The following COL16A1 variants were observed in gnomAD, a reference collection of about 807,000 sequenced individuals.
COL16A1 encodes the protein collagen type XVI alpha 1 chain, also known as collagen alpha-1(XVI) chain.
A neutral mutation model predicts 266.3 loss-of-function variants in COL16A1; 189 were observed. The observed-to-expected ratio is 0.71, with a 90% confidence interval of 0.63 to 0.80. The LOEUF (loss-of-function observed/expected upper bound fraction) is 0.80. Ranked by LOEUF, COL16A1 falls within the 30% of genes least tolerant of loss-of-function variation. The pLI, the probability that COL16A1 is intolerant of heterozygous loss-of-function variation, is 0.00. For missense variants in COL16A1, 1,928 were observed against 2,122.4 expected, an observed-to-expected ratio of 0.91 and a Z score of 1.80; for synonymous variants, 740 against 782.3, an observed-to-expected ratio of 0.95 and a Z score of 0.90.
intron 63 of COL16A1, 114 bp downstream of exon 63, chr1:31,658,800 A>G: frequency 7.7e-7 from 1 of 1,291,156 alleles, no homozygotes; most frequent in Non-Finnish European, 1.1e-6. Flanking sequence ...GACACCAGGG[A>G]AGGAGGGGAT....
Position 31,697,349 on chromosome 1 carries a change from T to G in COL16A1, c.658-49A>C. The G allele has an allele frequency of 6.5e-7, 1 of 1,532,292 alleles. No homozygotes were observed. The highest frequency in any genetic ancestry group is 1.2e-5 in the South Asian group (1 of 83,388). 94.9% of individuals were successfully genotyped at this position (1,532,292 alleles called of 1,614,324 possible). A position where few individuals can be genotyped will look rare whatever the true frequency, so the allele number is the denominator to read the frequency against. ...TTCACTTCATTTTATCAAATAGCTCTGTGTCCTGGCCCCCCAGGAGGCACA... is the reference window on the plus strand; with the variant it reads ...TTCACTTCATTTTATCAAATAGCTCGGTGTCCTGGCCCCCCAGGAGGCACA... On this transcript the variant is annotated intron_variant, in intron 6 of 70. Coordinates refer to ENST00000373672, the MANE Select transcript of COL16A1 (RefSeq NM_001856.4). The surrounding 1 kb of genome is among the most constrained non-coding windows in gnomAD (Gnocchi z 4.2).
chr1:31,652,577 C>A lies in COL16A1; in HGVS notation c.*74G>T. The A allele has an allele frequency of 1.5e-6, 2 of 1,361,390 alleles. No homozygotes were observed. Among genetic ancestry groups the A allele is most frequent in the Non-Finnish European group, 9.6e-7 (1 of 1,039,760 alleles). The allele number at this position is 1,361,390 out of a possible 1,614,324, so 84.3% of individuals were successfully genotyped here. A position where few individuals can be genotyped will look rare whatever the true frequency, so the allele number is the denominator to read the frequency against. On this transcript the variant is annotated 3_prime_UTR_variant, in exon 71 of 71. Coordinates refer to ENST00000373672, the MANE Select transcript of COL16A1 (RefSeq NM_001856.4). The surrounding 1 kb of genome is among the most constrained non-coding windows in gnomAD (Gnocchi z 4.8). The stretch of plus-strand genomic sequence containing the variant: ...ACAACAACAAAAAAAACATTCACAA[C>A]CTGTCACAGAGTCCTATAAGCTTTG...
intron 48 of COL16A1, 109 bp downstream of exon 48, chr1:31,671,506 C>T: frequency 7.1e-7 from 1 of 1,402,558 alleles, no homozygotes; most frequent in Non-Finnish European, 9.9e-7. Context: ...TGGAAGTTCC[C>T]TCCTCCTGCC....
Position 31,692,793 on chromosome 1 carries a change from G to T in COL16A1, c.1087C>A (p.Arg363=). Residue 363 remains arginine, a synonymous_variant, in exon 14 of 71, where the codon CGA becomes AGA. Coordinates refer to ENST00000373672, the MANE Select transcript of COL16A1 (RefSeq NM_001856.4). ...TGAAGTGGGGCATCCGGGGAGATTCGAACACAGTCATTGCCCTGGGAGTAG... is the reference window on the plus strand; with the variant it reads ...TGAAGTGGGGCATCCGGGGAGATTCTAACACAGTCATTGCCCTGGGAGTAG... The part of the protein sequence containing the change: ...EKGARGNDCV[R]ISPDAPLQCA... 6.2e-7 allele frequency: 1 copy of T among 1,613,808 alleles called. No individual in the cohort carries two copies. The highest frequency in any genetic ancestry group is 8.5e-7 in the Non-Finnish European group (1 of 1,179,712).
intron 42 of COL16A1, among the ~76,000 whole-genome samples, chr1:31,678,070 C>A (rs930641485): frequency 6.6e-6 from 1 of 152,088 alleles, no homozygotes; most frequent in African/African-American, 2.4e-5. Context: ...GTGGCGTGGG[C>A]TCTAGTTCAG....
At chr1:31,683,559 C>G (rs1272954490) in intron 34 of COL16A1, 148 bp downstream of exon 34, 2 of 1,565,344 alleles carry the variant, frequency 1.3e-6, no homozygotes, top group Non-Finnish European at 8.7e-7. Flanking sequence ...CAACAGCAGG[C>G]CAGGGCTGCG....
chr1:31,652,658 A>G lies in COL16A1; in HGVS notation c.4808T>C (p.Phe1603Ser). 1 of 1,574,860 alleles carries G rather than the reference A, an allele frequency of 6.3e-7. No individual in the cohort carries two copies. The change falls in exon 71 of 71, where the codon TTT becomes TCT. Residue 1603 changes from phenylalanine to serine, a missense_variant. Phe to Ser is a radical substitution (Grantham distance 155). Around this residue, in one of 2 missense-constraint regions of COL16A1, gnomAD observed 376 missense variants for 485.2 expected, o/e 0.77. Coordinates refer to ENST00000373672, the MANE Select transcript of COL16A1 (RefSeq NM_001856.4). The surrounding 1 kb of genome is among the most constrained non-coding windows in gnomAD (Gnocchi z 4.8). ...AAAGGCAGGTGGGGAATTTCAGCCA[A>G]AAGGCCCCTTCATGGTTTTCATGGG... is the stretch of plus-strand genomic sequence containing the variant. ...YPPMKTMKGP[F>S]G
At position 31,679,543 on chromosome 1, in the gene COL16A1, G is replaced by A. The variant is rs775192280; in HGVS notation, c.2772+89C>T. 6.2e-6 allele frequency: 10 copies of A among 1,613,860 alleles called. No individual in the cohort carries two copies. The African/African-American group carries it at 9.3e-5, about 15-fold the overall frequency. On this transcript the variant is annotated intron_variant, in intron 42 of 70. Transcript: ENST00000373672. ...GCATGTCTGTGTTTTTGGGGTGGGG[G>A]AGCAGCATCCTTGGGGTCCAGCCGG...
chr1:31,691,897 C>A, intron 17 of COL16A1, 108 bp downstream of exon 17: 2 of 1,559,352 alleles, frequency 1.3e-6, no homozygotes, highest in Non-Finnish European at 1.8e-6. Flanking sequence ...ACAGCCCCTC[C>A]CCACCCTGTC....
intron 52 of COL16A1, 108 bp from the exon 53 acceptor site, chr1:31,666,189 G>GGCCCA (rs1219837845): frequency 7.4e-6 from 9 of 1,215,016 alleles, no homozygotes; most frequent in Non-Finnish European, 1.0e-5. Flanking sequence ...TGTGCTGGGA[G>GGCCCA]GCCCCTGGGC....
chr1:31,683,000 T>C lies in COL16A1; in HGVS notation c.2472A>G (p.Gly824=). The C allele has an allele frequency of 6.2e-7, 1 of 1,613,974 alleles. No homozygotes were observed. The highest frequency in any genetic ancestry group is 8.5e-7 in the Non-Finnish European group (1 of 1,179,994). ...CGGTGGCTCCTTTCACCCCTGGAGA[T>C]CCCTGTGTAAGAGAAGGTACAAAGG... The part of the protein sequence containing the change: ...PGPTGEKGAQ[G]SPGVKGATGP... The change falls in exon 37 of 71, where the codon GGA becomes GGG. Residue 824 remains glycine, a splice_region_variant and synonymous_variant. Coordinates refer to ENST00000373672, the MANE Select transcript of COL16A1 (RefSeq NM_001856.4).
rs369694374 is a variant in COL16A1, at chr1:31,692,462, C to T, written c.1194+12G>A. 3.4e-5 allele frequency: 55 copies of T among 1,609,288 alleles called. No individual in the cohort carries two copies. The Middle Eastern group carries it at 6.6e-4, about 19-fold the overall frequency. ...TCCCTGGAAATCCCCCCTCCAAATC[C>T]AGGCTTGTTACCTTCTCGCCTGTTG... On this transcript the variant is annotated intron_variant, in intron 16 of 70. Transcript: ENST00000373672.
intron 12 of COL16A1, 53 bp downstream of exon 12, chr1:31,694,091 T>C: frequency 6.5e-7 from 1 of 1,547,614 alleles, no homozygotes; most frequent in Admixed American, 1.7e-5. Context: ...GCTGTGGGAA[T>C]GGCTGGGGAT....
intron 2 of COL16A1, among the ~76,000 whole-genome samples, chr1:31,701,873 G>A (rs940312293): frequency 2.6e-5 from 4 of 152,152 alleles, no homozygotes; most frequent in African/African-American, 9.7e-5. Context: ...CACAAAGCCA[G>A]TCTGAGAGAC....
chr1:31,671,132 C>T (rs1642652322), intron 48 of COL16A1, among the ~76,000 whole-genome samples: 1 of 152,228 alleles, frequency 6.6e-6, no homozygotes, highest in African/African-American at 2.4e-5. Context: ...AGTAGATACC[C>T]TGGTCTGGTT....
chr1:31,671,313 G>A (rs1038228093), intron 48 of COL16A1, among the ~76,000 whole-genome samples: 28 of 152,202 alleles, frequency 1.8e-4, no homozygotes, highest in Admixed American at 1.7e-3. Context: ...CCCCTGCCGA[G>A]GGCGGCCTGG....
intron 62 of COL16A1, among the ~76,000 whole-genome samples, 155 bp from the exon 63 acceptor site, chr1:31,659,119 C>G (rs968660235): frequency 6.6e-6 from 1 of 152,234 alleles, no homozygotes; most frequent in African/African-American, 2.4e-5. Context: ...GAGCTTCGGA[C>G]AAGATTTGCG....
chr1:31,700,220 C>T, intron 2 of COL16A1, 105 bp from the exon 3 acceptor site: 1 of 1,032,358 alleles, frequency 9.7e-7, no homozygotes, highest in East Asian at 2.5e-5. Flanking sequence ...AGTCCTCACT[C>T]TGGACCATCA....
rs368499625 is a variant in COL16A1 at position 31,693,932 on chromosome 1, G to A, written c.1008+212C>T. ...GTGCATAGGTGTGGCCTAAGGCCTG[G>A]TGCACAGAAGGGCCTCAGAAAAGGG... On this transcript the variant is annotated intron_variant, in intron 12 of 70. Transcript: ENST00000373672. Among the ~76,000 whole-genome samples the A allele has an allele frequency of 5.6e-4, 85 of 152,306 alleles. 2 individuals carry two copies. The South Asian group carries it at 8.7e-3, about 16-fold the overall frequency.
Sources: gnomAD v4.1 joint callset for allele counts (sites outside exome capture counted in the v4.1 genomes callset) on GRCh38, gnomAD v4.1.1 for gene constraint, gnomAD v4.1.1 regional missense constraint, Gnocchi (gnomAD v3.1) non-coding constraint, MANE v1.5 for transcripts, NCBI Gene and HGNC (gene_info 2026-07-23, HGNC 2026-07-21) for gene names.